The following GALNTL6 variants were observed in gnomAD, a reference collection of about 807,000 sequenced individuals.
GALNTL6 encodes polypeptide N-acetylgalactosaminyltransferase-like 6.
GALNTL6 carries 46 observed loss-of-function variants against 73.7 expected under a neutral mutation model. The observed-to-expected ratio is 0.62, with a 90% CI of 0.49 to 0.80. GALNTL6 has a LOEUF of 0.80. Among genes scored for constraint, GALNTL6 ranks in the 30% least tolerant of loss-of-function variants. GALNTL6 has a pLI of 0.00. For missense variants in GALNTL6, 604 were observed against 755.0 expected (o/e 0.80, Z 2.34); for synonymous variants, 259 against 263.7 (o/e 0.98, Z 0.17).
chr4:171,983,292 T>A (rs1401900092), intron 2 of GALNTL6, among the ~76,000 whole-genome samples: 3 of 152,076 alleles, frequency 2.0e-5, no homozygotes, highest in Non-Finnish European at 2.9e-5. Context: ...TTCTGATAAA[T>A]AAAAATATTC....
At chr4:171,990,122 G>T (rs1470741694) in intron 2 of GALNTL6, among the ~76,000 whole-genome samples, 1 of 152,082 alleles carries the variant, frequency 6.6e-6, no homozygotes, top group African/African-American at 2.4e-5. Context: ...GCAGCCTGGG[G>T]AGAAGGCTTA....
chr4:172,772,337 A>G (rs768975386), intron 5 of GALNTL6, among the ~76,000 whole-genome samples: 9 of 152,370 alleles, frequency 5.9e-5, no homozygotes, highest in Non-Finnish European at 1.3e-4. Context: ...CAGCACGTTC[A>G]GAGCTAAAGC....
At chr4:172,451,654 C>T (rs1487902625) in intron 5 of GALNTL6, among the ~76,000 whole-genome samples, 3 of 152,010 alleles carry the variant, frequency 2.0e-5, no homozygotes, top group Admixed American at 1.3e-4. Context: ...TATAGATATC[C>T]TTATTATAAA....
chr4:172,417,700 G>A (rs1326995827), intron 5 of GALNTL6, among the ~76,000 whole-genome samples: 2 of 152,018 alleles, frequency 1.3e-5, no homozygotes, highest in Non-Finnish European at 1.5e-5. Flanking sequence ...TATTGCGATT[G>A]TTTTTCTGTC....
At chr4:172,685,081 G>A (rs1426055713) in intron 5 of GALNTL6, among the ~76,000 whole-genome samples, 2 of 151,970 alleles carry the variant, frequency 1.3e-5, no homozygotes, top group South Asian at 2.1e-4. Flanking sequence ...TATTACTTGA[G>A]TTTTCAAAAA....
chr4:172,166,668 G>A (rs1734634508), intron 2 of GALNTL6, among the ~76,000 whole-genome samples: 1 of 152,088 alleles, frequency 6.6e-6, no homozygotes, highest in Non-Finnish European at 1.5e-5. Flanking sequence ...GTCCTACAAA[G>A]CAAGTATTGA....
rs578144007 is a variant in GALNTL6, at chr4:172,387,528, AC to A, written c.553+38842del. On this transcript the variant is annotated intron_variant, in intron 5 of 12. Coordinates refer to ENST00000506823, the MANE Select transcript of GALNTL6 (RefSeq NM_001034845.3). ...GTTAATCTTATTGAAGATACCTTATACCCAATGAGTCATTTTTCTCTTGCTG... is the reference window on the plus strand; with the variant it reads ...GTTAATCTTATTGAAGATACCTTATACCAATGAGTCATTTTTCTCTTGCTG... Among the ~76,000 whole-genome samples the A allele has an allele frequency of 6.4e-3, 977 of 152,088 alleles. 4 individuals carry two copies. The highest frequency in any genetic ancestry group is 0.012 in the Non-Finnish European group (786 of 67,952).
At chr4:172,689,697 C>T (rs1056998597) in intron 5 of GALNTL6, among the ~76,000 whole-genome samples, 3 of 152,162 alleles carry the variant, frequency 2.0e-5, no homozygotes, top group African/African-American at 7.2e-5. Context: ...GCTGATGCTT[C>T]TTGCCCTGTC....
At chr4:172,019,064 T>C (rs776524118) in intron 2 of GALNTL6, among the ~76,000 whole-genome samples, 3 of 152,280 alleles carry the variant, frequency 2.0e-5, no homozygotes, top group Non-Finnish European at 2.9e-5. Flanking sequence ...CTCTCACACT[T>C]TGGGAACTCA....
At chr4:172,099,869 T>C (rs1483677832) in intron 2 of GALNTL6, among the ~76,000 whole-genome samples, 1 of 152,126 alleles carries the variant, frequency 6.6e-6, no homozygotes, top group Non-Finnish European at 1.5e-5. Flanking sequence ...CTCTGCACTG[T>C]TGACACTGTC....
At chr4:172,526,794 C>T (rs1405959647) in intron 5 of GALNTL6, among the ~76,000 whole-genome samples, 1 of 152,172 alleles carries the variant, frequency 6.6e-6, no homozygotes, top group Non-Finnish European at 1.5e-5. Context: ...TCACTTTCTT[C>T]TTTCTAATCC....
intron 2 of GALNTL6, among the ~76,000 whole-genome samples, chr4:172,107,031 G>A (rs1013268265): frequency 7.2e-5 from 11 of 152,074 alleles, no homozygotes; most frequent in Admixed American, 2.0e-4. Flanking sequence ...GTGCCACCAC[G>A]CCCGGATAAT....
chr4:172,462,876 A>G (rs1386706150), intron 5 of GALNTL6, among the ~76,000 whole-genome samples: 1 of 152,182 alleles, frequency 6.6e-6, no homozygotes, highest in Non-Finnish European at 1.5e-5. Context: ...TAGGGTGAGG[A>G]TACTCCAAAC....
At chr4:172,365,633 C>T (rs1473515086) in intron 5 of GALNTL6, among the ~76,000 whole-genome samples, 1 of 151,876 alleles carries the variant, frequency 6.6e-6, no homozygotes, top group Non-Finnish European at 1.5e-5. Flanking sequence ...CAGCTTCAAG[C>T]CTTGCCTTGC....
chr4:172,311,668 C>G lies in GALNTL6; in HGVS notation c.302C>G (p.Ser101Ter). The change falls in exon 4 of 13, where the codon TCA becomes TGA. Residue 101 changes from serine (S) to a stop codon, truncating the protein, a stop_gained. Transcript: ENST00000506823. LOFTEE classifies it high-confidence loss of function. The part of the protein sequence containing the change: ...YPLTEEDHDD[S>*]AYRENGFNIF... Reference sequence around the variant, plus strand: ...CTTACTGAAGAGGACCATGATGACTCAGCTTACAGGGAAAATGGTTTTAAT... The same window carrying G: ...CTTACTGAAGAGGACCATGATGACTGAGCTTACAGGGAAAATGGTTTTAAT... The G allele has an allele frequency of 6.2e-7, 1 of 1,611,958 alleles. No homozygotes were observed. Among genetic ancestry groups the G allele is most frequent in the Non-Finnish European group, 8.5e-7 (1 of 1,178,544 alleles).
chr4:172,073,624 A>G (rs1478987684), intron 2 of GALNTL6, among the ~76,000 whole-genome samples: 1 of 152,212 alleles, frequency 6.6e-6, no homozygotes, highest in Non-Finnish European at 1.5e-5. Flanking sequence ...ACAAAGGTCA[A>G]GGAATTTTTA....
chr4:171,955,895 TAGTTA>T (rs1376427242), intron 2 of GALNTL6, among the ~76,000 whole-genome samples: 2 of 152,192 alleles, frequency 1.3e-5, no homozygotes, highest in African/African-American at 2.4e-5. Flanking sequence ...CTTATGCAAT[TAGTTA>T]AAAGTACATA....
intron 2 of GALNTL6, among the ~76,000 whole-genome samples, chr4:171,963,597 A>G (rs1404537950): frequency 1.3e-5 from 2 of 152,214 alleles, no homozygotes; most frequent in Non-Finnish European, 2.9e-5. Context: ...AGTTCTCTAT[A>G]TGAAGTAGAA....
chr4:173,005,305 T>C (rs1050116603), intron 10 of GALNTL6, among the ~76,000 whole-genome samples: 3 of 152,266 alleles, frequency 2.0e-5, no homozygotes. Context: ...CTGTTAAGTG[T>C]CTCTCAGGAT....
Sources: allele counts gnomAD v4.1 joint callset (sites outside exome capture counted in the v4.1 genomes callset), GRCh38; gene constraint gnomAD v4.1.1; transcripts MANE v1.5; gene names NCBI Gene and HGNC (gene_info 2026-07-23, HGNC 2026-07-21).